Variants in SH3BGRL2 observed in about 807,000 individuals in gnomAD.
SH3BGRL2 encodes SH3 domain binding glutamate rich protein like 2.
A neutral mutation model predicts 14.8 loss-of-function variants in SH3BGRL2; 21 were observed. That is an observed-to-expected ratio of 1.42 (90% CI 1.01 to 2.05). SH3BGRL2 has a LOEUF of 2.05. Among genes scored for constraint, SH3BGRL2 ranks in the 30% most tolerant of loss-of-function variants. The probability of loss-of-function intolerance (pLI) is 0.00; values close to 1 mark genes in which losing one functional copy is unlikely to be tolerated. For missense variants in SH3BGRL2, 147 were observed against 130.8 expected, an observed-to-expected ratio of 1.12 and a Z score of -0.61; for synonymous variants, 50 against 47.8, an observed-to-expected ratio of 1.05 and a Z score of -0.19.
chr6:79,577,010 T>C, the SH3BGRL2 span, among the ~76,000 whole-genome samples: 1 of 152,212 alleles, frequency 6.6e-6, no homozygotes, highest in South Asian at 2.1e-4. Context: ...TTAGTATCCA[T>C]TTTAGAGTTA....
chr6:79,584,804 G>C, the SH3BGRL2 span, among the ~76,000 whole-genome samples: 2 of 152,142 alleles, frequency 1.3e-5, no homozygotes, highest in Non-Finnish European at 2.9e-5. Context: ...ATACTCTTTA[G>C]TTGGTTTTGC....
chr6:79,624,188 A>G, the SH3BGRL2 span, among the ~76,000 whole-genome samples: 2 of 151,738 alleles, frequency 1.3e-5, no homozygotes, highest in Admixed American at 6.6e-5. Flanking sequence ...TCAACATTGA[A>G]TCTTTATTTT....
At chr6:79,675,580 C>T (rs149102853) in intron 2 of SH3BGRL2, among the ~76,000 whole-genome samples, 2 of 151,948 alleles carry the variant, frequency 1.3e-5, no homozygotes, top group Non-Finnish European at 2.9e-5. Context: ...CTCTTGAGTG[C>T]CTATTAATTT....
At chr6:79,558,039 A>G in the SH3BGRL2 span, among the ~76,000 whole-genome samples, 1 of 152,280 alleles carries the variant, frequency 6.6e-6, no homozygotes, top group East Asian at 1.9e-4. Flanking sequence ...AATATCATAA[A>G]TAGAATCTCC....
At chr6:79,562,933 G>A in the SH3BGRL2 span, among the ~76,000 whole-genome samples, 444 of 152,224 alleles carry the variant, frequency 2.9e-3, 1 homozygote, top group Admixed American at 6.0e-3. Context: ...GGTTGGACAA[G>A]CTTGGTCTAT....
At chr6:79,548,244 G>A in the SH3BGRL2 span, among the ~76,000 whole-genome samples, 1 of 151,992 alleles carries the variant, frequency 6.6e-6, no homozygotes, top group Admixed American at 6.6e-5. Context: ...AACTTCATAA[G>A]TATCATTTAT....
chr6:79,575,958 G>T, the SH3BGRL2 span, among the ~76,000 whole-genome samples: 3 of 150,932 alleles, frequency 2.0e-5, no homozygotes, highest in East Asian at 5.8e-4. Flanking sequence ...ATGTTTATAA[G>T]TTTTTTTTTC....
At chr6:79,666,538 A>G (rs1252905379) in intron 1 of SH3BGRL2, among the ~76,000 whole-genome samples, 1 of 152,148 alleles carries the variant, frequency 6.6e-6, no homozygotes, top group East Asian at 1.9e-4. Flanking sequence ...AGAATTTGCC[A>G]TGAAATTAGG....
At chr6:79,616,093 G>A in the SH3BGRL2 span, among the ~76,000 whole-genome samples, 1 of 151,338 alleles carries the variant, frequency 6.6e-6, no homozygotes, top group Non-Finnish European at 1.5e-5. Context: ...TGGGATTGCA[G>A]GCATGAGCCA....
the SH3BGRL2 span, among the ~76,000 whole-genome samples, chr6:79,552,598 C>T: frequency 6.6e-6 from 1 of 152,076 alleles, no homozygotes; most frequent in Non-Finnish European, 1.5e-5. Context: ...CCTGTCCTGG[C>T]CAGGAACTCA....
the SH3BGRL2 span, among the ~76,000 whole-genome samples, chr6:79,552,222 G>A: frequency 6.6e-6 from 1 of 152,212 alleles, no homozygotes; most frequent in South Asian, 2.1e-4. Context: ...TCCAGTCAAA[G>A]CTGTAGTTAC....
the SH3BGRL2 span, among the ~76,000 whole-genome samples, chr6:79,575,932 C>A: frequency 3.3e-5 from 5 of 151,512 alleles, no homozygotes; most frequent in Admixed American, 2.6e-4. Flanking sequence ...TTTTAATTTT[C>A]TTTGGGATAT....
At position 79,659,654 on chromosome 6, in the gene SH3BGRL2, G is replaced by T. The variant is rs747336316; in HGVS notation, c.46-13960G>T. Among the ~76,000 whole-genome samples the T allele has an allele frequency of 5.3e-5, 8 of 152,196 alleles. No homozygotes were observed. In the South Asian group the frequency reaches 6.2e-4, roughly 12 times the overall value. Reference sequence around the variant, plus strand: ...TTGGTTCCGTATGAACTTTAAAGTGGTTTTTTTCCAATTCTGTGAAGAAAG... The same window carrying T: ...TTGGTTCCGTATGAACTTTAAAGTGTTTTTTTTCCAATTCTGTGAAGAAAG... On this transcript the variant is annotated intron_variant, in intron 1 of 3. Transcript: ENST00000369838.
the SH3BGRL2 span, among the ~76,000 whole-genome samples, chr6:79,596,545 T>C: frequency 6.6e-6 from 1 of 152,320 alleles, no homozygotes; most frequent in South Asian, 2.1e-4. Context: ...TCCTCCCACC[T>C]TGGCCTCCCA....
Position 79,703,519 on chromosome 6 carries a change from T to C in SH3BGRL2, c.*4010T>C, listed in dbSNP as rs959311070. 2.0e-5 allele frequency: 3 copies of C among 152,212 alleles called. No homozygotes were observed. The highest frequency in any genetic ancestry group is 7.2e-5 in the African/African-American group (3 of 41,452). The allele number at this position is 152,212 out of a possible 1,614,324, so 9.4% of individuals were successfully genotyped here. On this transcript the variant is annotated 3_prime_UTR_variant, in exon 4 of 4. Coordinates refer to ENST00000369838, the MANE Select transcript of SH3BGRL2 (RefSeq NM_031469.4). ...TTCCTTTGAGGTACCGTGTGCGGTT[T>C]CCTGAACCTATCTCTATCCCTGTCT...
In SH3BGRL2 at chr6:79,699,783, T is replaced by C; in HGVS notation, c.*274T>C. 2.4e-6 allele frequency: 1 copy of C among 412,044 alleles called. No homozygotes were observed. The highest frequency in any genetic ancestry group is 4.2e-6 in the Non-Finnish European group (1 of 235,676). The allele number at this position is 412,044 out of a possible 1,614,324, so 25.5% of individuals were successfully genotyped here. Reference sequence around the variant, plus strand: ...ACCGTCACCTGTTACAGGTGTACTTTCTTAATGACTGAAAGATAAGTGGGT... The same window carrying C: ...ACCGTCACCTGTTACAGGTGTACTTCCTTAATGACTGAAAGATAAGTGGGT... On this transcript the variant is annotated 3_prime_UTR_variant, in exon 4 of 4. Transcript: ENST00000369838.
chr6:79,684,992 C>A (rs961557495), intron 2 of SH3BGRL2, among the ~76,000 whole-genome samples: 9 of 152,182 alleles, frequency 5.9e-5, no homozygotes, highest in Non-Finnish European at 1.3e-4. Flanking sequence ...GATTGCTGAT[C>A]AGCTGCATGC....
At chr6:79,661,678 G>A (rs539920564) in intron 1 of SH3BGRL2, among the ~76,000 whole-genome samples, 38 of 152,256 alleles carry the variant, frequency 2.5e-4, no homozygotes, top group Non-Finnish European at 5.1e-4. Context: ...TCAAGTCCTG[G>A]ATATCCTTGT....
chr6:79,605,491 A>G, the SH3BGRL2 span, among the ~76,000 whole-genome samples: 1 of 152,270 alleles, frequency 6.6e-6, no homozygotes, highest in Non-Finnish European at 1.5e-5. Flanking sequence ...TAAGAAGATC[A>G]TAACTTTCTT....
Sources: allele counts gnomAD v4.1 joint callset (sites outside exome capture counted in the v4.1 genomes callset), GRCh38; gene constraint gnomAD v4.1.1; transcripts MANE v1.5; gene names NCBI Gene and HGNC (gene_info 2026-07-23, HGNC 2026-07-21).